The following NODAL variants were observed in gnomAD, a reference collection of about 807,000 sequenced individuals.
NODAL encodes the protein nodal homolog.
A neutral mutation model predicts 34.0 loss-of-function variants in NODAL; 12 were observed. The observed-to-expected ratio is 0.35, with a 90% CI of 0.23 to 0.57. The LOEUF (loss-of-function observed/expected upper bound fraction) is 0.57, where lower values mean the gene tolerates loss of function less well. Ranked by LOEUF, NODAL falls within the 20% of genes least tolerant of loss-of-function variation. NODAL has a pLI of 0.83. For missense variants in NODAL, 390 were observed against 444.2 expected (o/e 0.88, Z 1.10); for synonymous variants, 162 against 186.4 (o/e 0.87, Z 1.07).
intron 1 of NODAL, among the ~76,000 whole-genome samples, chr10:70,439,319 GAAGA>G (rs1845397791): frequency 6.6e-6 from 1 of 152,142 alleles, no homozygotes; most frequent in African/African-American, 2.4e-5. Context: ...CAGTTCTGAA[GAAGA>G]AAGTGGCTCA....
At chr10:70,442,712 A>G (rs1219479911), upstream of NODAL, among the ~76,000 whole-genome samples, 4 of 152,106 alleles carry the variant, frequency 2.6e-5, no homozygotes, top group Admixed American at 2.0e-4. Flanking sequence ...CTTACTGAAC[A>G]CTTACTAAGC....
At chr10:70,439,589 G>A (rs1008499866) in intron 1 of NODAL, among the ~76,000 whole-genome samples, 1 of 152,208 alleles carries the variant, frequency 6.6e-6, no homozygotes, top group Non-Finnish European at 1.5e-5. Context: ...AGATACAGAT[G>A]TAAACCCAAT....
At chr10:70,446,814 A>G (rs1248710738) in intron 1 of NODAL, among the ~76,000 whole-genome samples, 1 of 152,152 alleles carries the variant, frequency 6.6e-6, no homozygotes, top group Non-Finnish European at 1.5e-5. Flanking sequence ...CACCTGCTTC[A>G]TCATATCCCT....
chr10:70,435,039 C>G, intron 2 of NODAL: 1 of 518,870 alleles, frequency 1.9e-6, no homozygotes, highest in East Asian at 3.4e-5. Context: ...TTATGAAAGA[C>G]AAGGATAAAG....
At chr10:70,443,593 A>G (rs1320500650), upstream of NODAL, among the ~76,000 whole-genome samples, 1 of 152,056 alleles carries the variant, frequency 6.6e-6, no homozygotes, top group Non-Finnish European at 1.5e-5. Context: ...TAATCCTAGC[A>G]CTTTGGGAGG....
At position 70,438,742 on chromosome 10, in the gene NODAL, C is replaced by G. The variant is rs562129733; in HGVS notation, c.193+2733G>C. On this transcript the variant is annotated intron_variant, in intron 1 of 2. Transcript: ENST00000287139. Reference sequence around the variant, plus strand: ...TGCTGAAAGAAGTCTGTGACCCTTCCTACCTTCTCCCACTGCTGCCAGGGT... The same window carrying G: ...TGCTGAAAGAAGTCTGTGACCCTTCGTACCTTCTCCCACTGCTGCCAGGGT... 2.6e-5 allele frequency among the ~76,000 whole-genome samples: 4 copies of G among 152,274 alleles called. No homozygotes were observed. In the East Asian group the frequency reaches 7.7e-4, roughly 29 times the overall value.
chr10:70,435,859 C>T lies in NODAL; in HGVS notation c.318G>A (p.Glu106=), dbSNP rs776386819. Residue 106 remains glutamate, a synonymous_variant, in exon 2 of 3, where the codon GAG becomes GAA. Coordinates refer to ENST00000287139, the MANE Select transcript of NODAL (RefSeq NM_018055.5). ...GGAAAATCTCAATGGCAAGTGAGCC[C>T]TCAGTGGGGAGGTCCACAGGGCTGG... The part of the protein sequence containing the change: ...QLSSPVDLPT[E]GSLAIEIFHQ... 9 of 1,614,010 alleles carry T rather than the reference C, an allele frequency of 5.6e-6. No individual in the cohort carries two copies. Among genetic ancestry groups the T allele is most frequent in the Non-Finnish European group, 6.8e-6 (8 of 1,180,042 alleles).
rs1845291344 is a variant in NODAL at position 70,433,094 on chromosome 10, A to G, written c.892-6T>C. ...TGGTAACGTTTCAGCAGACTCTGTA[A>G]AGGAAAGGAAGGGTGTGTCAATTCA... On this transcript the variant is annotated splice_polypyrimidine_tract_variant and splice_region_variant and intron_variant, in intron 2 of 2. Coordinates refer to ENST00000287139, the MANE Select transcript of NODAL (RefSeq NM_018055.5). 1 of 1,613,870 alleles carries G rather than the reference A, an allele frequency of 6.2e-7. No individual in the cohort carries two copies.
At position 70,441,618 on chromosome 10, in the gene NODAL, A is replaced by T; in HGVS notation, c.50T>A (p.Leu17His). Residue 17 changes from leucine (L) to histidine (H), a missense_variant, in exon 1 of 3, where the codon CTC (leucine) becomes CAC (histidine). Leu to His is a moderately conservative substitution (Grantham distance 99). Transcript: ENST00000287139. The stretch of plus-strand genomic sequence containing the variant: ...GGCCACCGTCGCAGCACCCGCCTGG[A>T]GTAGGGCCCACCAGGCGTGCAGAAG... ...PFLLHAWWAL[L>H]QAGAATVATA... The T allele has an allele frequency of 6.4e-7, 1 of 1,553,016 alleles. No individual in the cohort carries two copies. The highest frequency in any genetic ancestry group is 8.7e-7 in the Non-Finnish European group (1 of 1,149,108).
intron 1 of NODAL, chr10:70,447,879 T>G: frequency 2.1e-6 from 1 of 471,116 alleles, no homozygotes; most frequent in Non-Finnish European, 4.4e-6. Flanking sequence ...CGTGAATGAA[T>G]TCAATCTCAT....
Position 70,435,544 on chromosome 10 carries a change from G to A in NODAL, c.633C>T (p.Thr211=), listed in dbSNP as rs922821850. The A allele has an allele frequency of 1.9e-6, 3 of 1,613,980 alleles. No homozygotes were observed. In the African/African-American group the frequency reaches 4.0e-5, roughly 22 times the overall value. ...AGGAGCTCTCGGCTTCCCACAGCAA[G>A]GTGGACCCACCCAGCTGCCTCTGCT... is the stretch of plus-strand genomic sequence containing the variant. The part of the protein sequence containing the change: ...SQEQRQLGGS[T]LLWEAESSWR... The change falls in exon 2 of 3, where the codon ACC becomes ACT. Residue 211 remains threonine, a synonymous_variant. Coordinates refer to ENST00000287139, the MANE Select transcript of NODAL (RefSeq NM_018055.5).
Position 70,433,062 on chromosome 10 carries a change from G to A in NODAL, c.918C>T (p.His306=), listed in dbSNP as rs1424207103. The change falls in exon 3 of 3, where the codon CAC becomes CAT. Residue 306 remains histidine (H), a synonymous_variant. Coordinates refer to ENST00000287139, the MANE Select transcript of NODAL (RefSeq NM_018055.5). ...IQSLLKRYQP[H]RVPSTCCAPV... ...GGGCACAACAAGTGGAAGGGACTCGGTGGGGCTGGTAACGTTTCAGCAGAC... is the reference window on the plus strand; with the variant it reads ...GGGCACAACAAGTGGAAGGGACTCGATGGGGCTGGTAACGTTTCAGCAGAC... 6.2e-7 allele frequency: 1 copy of A among 1,614,034 alleles called. No individual in the cohort carries two copies. Among genetic ancestry groups the A allele is most frequent in the Non-Finnish European group, 8.5e-7 (1 of 1,180,048 alleles).
intron 1 of NODAL, among the ~76,000 whole-genome samples, chr10:70,446,794 G>C (rs1845491582): frequency 6.6e-6 from 1 of 152,162 alleles, no homozygotes; most frequent in Non-Finnish European, 1.5e-5. Context: ...AGCTTTGTGA[G>C]GGTGGAGAGC....
Position 70,432,012 on chromosome 10 carries a change from A to G in NODAL, c.*924T>C, listed in dbSNP as rs1229218713. Among the ~76,000 whole-genome samples the G allele has an allele frequency of 3.9e-5, 6 of 152,236 alleles. No individual in the cohort carries two copies. Among genetic ancestry groups the G allele is most frequent in the Admixed American group, 1.3e-4 (2 of 15,290 alleles). On this transcript the variant is annotated 3_prime_UTR_variant, in exon 3 of 3. Coordinates refer to ENST00000287139, the MANE Select transcript of NODAL (RefSeq NM_018055.5). ...TAGGATTCACCAGCGTTCCTTTTACAAGTGGAGACTGGACAGTGAATTGCT... is the reference window on the plus strand; with the variant it reads ...TAGGATTCACCAGCGTTCCTTTTACGAGTGGAGACTGGACAGTGAATTGCT...
rs1346606803 is a variant in NODAL, at chr10:70,432,007, T to G, written c.*929A>C. Among the ~76,000 whole-genome samples, 18 of 152,206 alleles carry G rather than the reference T, an allele frequency of 1.2e-4. No individual in the cohort carries two copies. The highest frequency in any genetic ancestry group is 1.2e-3 in the Admixed American group (18 of 15,278). On this transcript the variant is annotated 3_prime_UTR_variant, in exon 3 of 3. Coordinates refer to ENST00000287139, the MANE Select transcript of NODAL (RefSeq NM_018055.5). ...TGCATTAGGATTCACCAGCGTTCCT[T>G]TTACAAGTGGAGACTGGACAGTGAA...
In NODAL at chr10:70,435,664, C is replaced by A; in HGVS notation, c.513G>T (p.Lys171Asn). The A allele has an allele frequency of 6.2e-7, 1 of 1,614,112 alleles. No homozygotes were observed. The highest frequency in any genetic ancestry group is 8.5e-7 in the Non-Finnish European group (1 of 1,179,998). The change falls in exon 2 of 3, where the codon AAG (lysine) becomes AAT (asparagine). Residue 171 changes from lysine to asparagine, a missense_variant. Physicochemically the swap from Lys to Asn is moderately conservative, Grantham distance 94. Transcript: ENST00000287139. ...KWLKHPGALE[K>N]QMSRVAGECW... ...ACTCTCCAGCTACCCTGGACATCTG[C>A]TTCTCCAGGGCCCCAGGGTGCTTCA...
chr10:70,436,857 G>A (rs1845363623), intron 1 of NODAL, among the ~76,000 whole-genome samples: 1 of 152,144 alleles, frequency 6.6e-6, no homozygotes, highest in Admixed American at 6.5e-5. Flanking sequence ...GCTGAAAGTG[G>A]GAGTTGCCCC....
intron 1 of NODAL, among the ~76,000 whole-genome samples, chr10:70,439,190 A>G (rs1328254321): frequency 6.6e-6 from 1 of 152,148 alleles, no homozygotes; most frequent in African/African-American, 2.4e-5. Context: ...TTTTTAGTAG[A>G]GACAGGGTTT....
Position 70,440,392 on chromosome 10 carries a change from G to C in NODAL, c.193+1083C>G, listed in dbSNP as rs532793902. Among the ~76,000 whole-genome samples, 8 of 152,294 alleles carry C rather than the reference G, an allele frequency of 5.3e-5. No homozygotes were observed. In the South Asian group the frequency reaches 1.0e-3, roughly 20 times the overall value. ...CCGAGGGTGTCCCCTGGTCTGGCTG[G>C]TCCCCAGATGACCCTTCCGGAGAGG... is the stretch of plus-strand genomic sequence containing the variant. On this transcript the variant is annotated intron_variant, in intron 1 of 2. Transcript: ENST00000287139.
Sources: gnomAD v4.1 joint callset for allele counts (sites outside exome capture counted in the v4.1 genomes callset) on GRCh38, gnomAD v4.1.1 for gene constraint, MANE v1.5 for transcripts, NCBI Gene and HGNC (gene_info 2026-07-23, HGNC 2026-07-21) for gene names.